Variants in TMEM132C observed in about 807,000 individuals in gnomAD.
The protein encoded by TMEM132C is transmembrane protein 132C, also known as protein phosphatase 1, regulatory subunit 152.
A neutral mutation model predicts 61.4 loss-of-function variants in TMEM132C; 29 were observed. The observed-to-expected ratio is 0.47, with a 90% CI of 0.35 to 0.64. The LOEUF is 0.64. TMEM132C is among the 30% of genes least tolerant of loss of function. TMEM132C has a pLI of 0.00. For synonymous variants in TMEM132C, 656 were observed against 633.1 expected (o/e 1.04, Z -0.54); for missense variants, 1,408 against 1,476.9 (o/e 0.95, Z 0.76).
intron 2 of TMEM132C, among the ~76,000 whole-genome samples, chr12:128,419,909 T>C (rs1868927819): frequency 6.6e-6 from 1 of 151,922 alleles, no homozygotes. Context: ...TAATCAAAAT[T>C]GGGTTGGGTA....
At chr12:128,417,071 A>T (rs750373578) in intron 2 of TMEM132C, among the ~76,000 whole-genome samples, 45 of 152,280 alleles carry the variant, frequency 3.0e-4, no homozygotes, top group Non-Finnish European at 5.3e-4. Context: ...GAGAGTCAAT[A>T]TTCAGAAAAA....
At chr12:128,547,005 G>A (rs1344172936) in intron 3 of TMEM132C, among the ~76,000 whole-genome samples, 2 of 152,302 alleles carry the variant, frequency 1.3e-5, no homozygotes, top group East Asian at 3.9e-4. Flanking sequence ...AGGCCAGCGA[G>A]TGCACCTTCC....
chr12:128,497,646 TCTC>T (rs1303367427), intron 2 of TMEM132C, among the ~76,000 whole-genome samples: 1 of 152,162 alleles, frequency 6.6e-6, no homozygotes, highest in Non-Finnish European at 1.5e-5. Flanking sequence ...CGGGATATAA[TCTC>T]CTGGTGTGCC....
intron 1 of TMEM132C, among the ~76,000 whole-genome samples, chr12:128,378,327 A>G (rs536168846): frequency 8.5e-5 from 13 of 152,192 alleles, no homozygotes; most frequent in African/African-American, 2.9e-4. Context: ...CATGTTAGCC[A>G]GGATGGTCTC....
At chr12:128,298,261 T>C (rs1871473760) in intron 1 of TMEM132C, among the ~76,000 whole-genome samples, 1 of 152,144 alleles carries the variant, frequency 6.6e-6, no homozygotes, top group Admixed American at 6.5e-5. Flanking sequence ...CTCCCCAGGC[T>C]CTCCAGCCTC....
At chr12:128,658,473 A>G (rs1178411215) in intron 4 of TMEM132C, among the ~76,000 whole-genome samples, 1 of 151,164 alleles carries the variant, frequency 6.6e-6, no homozygotes, top group African/African-American at 2.4e-5. Context: ...TGTTTCCCCA[A>G]CCAACTGCGC....
At chr12:128,284,187 AC>A (rs1870984981) in intron 1 of TMEM132C, among the ~76,000 whole-genome samples, 1 of 152,198 alleles carries the variant, frequency 6.6e-6, no homozygotes, top group Non-Finnish European at 1.5e-5. Flanking sequence ...AATTTGCATA[AC>A]AAGTCTACTC....
intron 1 of TMEM132C, among the ~76,000 whole-genome samples, chr12:128,295,785 A>AG (rs374248335): frequency 7.3e-5 from 11 of 151,180 alleles, no homozygotes; most frequent in African/African-American, 2.7e-4. Context: ...AAAAAAAAAA[A>AG]CCTTAAAAAT....
intron 2 of TMEM132C, among the ~76,000 whole-genome samples, chr12:128,418,907 A>T (rs561567575): frequency 2.6e-5 from 4 of 151,980 alleles, no homozygotes; most frequent in African/African-American, 9.6e-5. Context: ...TTTTTATTTT[A>T]TTTTTTTTAA....
intron 2 of TMEM132C, among the ~76,000 whole-genome samples, chr12:128,516,309 T>A (rs542458436): frequency 6.6e-6 from 1 of 152,148 alleles, no homozygotes; most frequent in African/African-American, 2.4e-5. Context: ...GGACAATTGG[T>A]GTGAGCACGA....
chr12:128,475,603 G>A (rs1443737778), intron 2 of TMEM132C, among the ~76,000 whole-genome samples: 1 of 152,138 alleles, frequency 6.6e-6, no homozygotes, highest in African/African-American at 2.4e-5. Context: ...TTATACTGAA[G>A]ACCACTTTAT....
chr12:128,303,653 G>C (rs1471701002), intron 1 of TMEM132C, among the ~76,000 whole-genome samples: 1 of 152,218 alleles, frequency 6.6e-6, no homozygotes, highest in Non-Finnish European at 1.5e-5. Flanking sequence ...AACGTTGCTT[G>C]CTACGGTAGA....
intron 2 of TMEM132C, among the ~76,000 whole-genome samples, chr12:128,475,734 A>G (rs1161541109): frequency 6.6e-6 from 1 of 152,174 alleles, no homozygotes; most frequent in Non-Finnish European, 1.5e-5. Flanking sequence ...TGGTCCCTTC[A>G]TCTGTGCAGA....
At chr12:128,499,899 A>T (rs1236653376) in intron 2 of TMEM132C, among the ~76,000 whole-genome samples, 1 of 152,126 alleles carries the variant, frequency 6.6e-6, no homozygotes, top group African/African-American at 2.4e-5. Context: ...TTGGATATAT[A>T]CCCAGTAGTG....
At chr12:128,360,131 C>G (rs1873651291) in intron 1 of TMEM132C, among the ~76,000 whole-genome samples, 1 of 152,044 alleles carries the variant, frequency 6.6e-6, no homozygotes, top group African/African-American at 2.4e-5. Flanking sequence ...AATAACGAAA[C>G]CAACATTGTG....
At chr12:128,673,470 C>A (rs191038224) in intron 5 of TMEM132C, among the ~76,000 whole-genome samples, 2 of 152,206 alleles carry the variant, frequency 1.3e-5, no homozygotes, top group African/African-American at 4.8e-5. Flanking sequence ...GCAGGCCAAC[C>A]TGACTTAAGA....
At chr12:128,466,764 C>T (rs1038728054) in intron 2 of TMEM132C, among the ~76,000 whole-genome samples, 2 of 152,136 alleles carry the variant, frequency 1.3e-5, no homozygotes, top group East Asian at 1.9e-4. Flanking sequence ...GTGATCCACC[C>T]GCCTCGGCCT....
rs117204303 is a variant in TMEM132C, at chr12:128,554,813, C to T, written c.1121+10710C>T. On this transcript the variant is annotated intron_variant, in intron 3 of 8. Transcript: ENST00000435159. ...ATGCTATAAACACGCATCTGAGCTCCGGTTCTTATGGCTGTAAGTGTCAGC... is the reference window on the plus strand; with the variant it reads ...ATGCTATAAACACGCATCTGAGCTCTGGTTCTTATGGCTGTAAGTGTCAGC... Among the ~76,000 whole-genome samples the T allele has an allele frequency of 2.2e-3, 329 of 151,508 alleles. 3 individuals carry two copies. Among genetic ancestry groups the T allele is most frequent in the Non-Finnish European group, 3.9e-3 (267 of 68,032 alleles).
chr12:128,342,104 G>A (rs1356783034), intron 1 of TMEM132C, among the ~76,000 whole-genome samples: 1 of 151,918 alleles, frequency 6.6e-6, no homozygotes, highest in Non-Finnish European at 1.5e-5. Flanking sequence ...TGCCTCCTGG[G>A]TTCAAAAGAT....
Sources: allele counts gnomAD v4.1 joint callset (sites outside exome capture counted in the v4.1 genomes callset), GRCh38; gene constraint gnomAD v4.1.1; transcripts MANE v1.5; gene names NCBI Gene and HGNC (gene_info 2026-07-23, HGNC 2026-07-21).